Variants in NEK10 observed in about 807,000 individuals in gnomAD.
The protein encoded by NEK10 is serine/threonine-protein kinase Nek10.
A neutral mutation model predicts 159.8 loss-of-function variants in NEK10; 122 were observed. The observed-to-expected ratio is 0.76, with a 90% CI of 0.66 to 0.89. The LOEUF is 0.89. Ranked by LOEUF, NEK10 falls within the 40% of genes least tolerant of loss-of-function variation. The probability of loss-of-function intolerance (pLI) is 0.00; values close to 1 mark genes in which losing one functional copy is unlikely to be tolerated. For missense variants in NEK10, 1,342 were observed against 1,323.1 expected, an observed-to-expected ratio of 1.01 and a Z score of -0.22; for synonymous variants, 466 against 457.1, an observed-to-expected ratio of 1.02 and a Z score of -0.25.
chr3:27,260,094 G>T (rs2040262734), intron 22 of NEK10, among the ~76,000 whole-genome samples: 2 of 152,280 alleles, frequency 1.3e-5, no homozygotes, highest in South Asian at 4.1e-4. Context: ...TGCTGAAGTT[G>T]TCTATCAGCT....
chr3:27,225,049 C>T (rs989139217), intron 23 of NEK10, among the ~76,000 whole-genome samples: 2 of 152,182 alleles, frequency 1.3e-5, no homozygotes, highest in Admixed American at 6.5e-5. Context: ...TGTTAACTTA[C>T]ACAATTGCAA....
At position 27,177,402 on chromosome 3, in the gene NEK10, G is replaced by A. The variant is rs192556928; in HGVS notation, c.2506-2569C>T. On this transcript the variant is annotated intron_variant, in intron 26 of 35. Coordinates refer to ENST00000691995, the MANE Select transcript of NEK10 (RefSeq NM_001394966.1). ...ACTAAAAAATACAAAAAAATTAGCC[G>A]GGCATGGTGGTGGGCGCCTGTAGTC... is the stretch of plus-strand genomic sequence containing the variant. 2.0e-3 allele frequency among the ~76,000 whole-genome samples: 309 copies of A among 151,930 alleles called. 2 individuals carry two copies. The highest frequency in any genetic ancestry group is 7.0e-3 in the African/African-American group (290 of 41,434).
In NEK10 at chr3:27,174,442, A is replaced by G. The variant is rs552452574; in HGVS notation, c.2773T>C (p.Phe925Leu). The G allele has an allele frequency of 1.2e-5, 20 of 1,609,208 alleles. No individual in the cohort carries two copies. The highest frequency in any genetic ancestry group is 1.7e-5 in the Non-Finnish European group (20 of 1,179,312). ...AAATTGATAACAGAAAGCTTACTGAATGTAGATTCTTTCAGAGGGCTTGAA... is the reference window on the plus strand; with the variant it reads ...AAATTGATAACAGAAAGCTTACTGAGTGTAGATTCTTTCAGAGGGCTTGAA... ...SSSSPLKEST[F>L]NILKRSFSAS... The change falls in exon 28 of 36, where the codon TTC (phenylalanine) becomes CTC (leucine). Residue 925 changes from phenylalanine to leucine, a missense_variant. Physicochemically the swap from Phe to Leu is conservative, Grantham distance 22. Transcript: ENST00000691995.
chr3:27,139,005 G>C (rs1943511733), intron 31 of NEK10, among the ~76,000 whole-genome samples: 1 of 152,176 alleles, frequency 6.6e-6, no homozygotes. Context: ...TGAAGTCATG[G>C]TCTGAGACGT....
intron 23 of NEK10, among the ~76,000 whole-genome samples, chr3:27,224,215 C>T (rs752485493): frequency 2.6e-5 from 4 of 152,212 alleles, no homozygotes; most frequent in Non-Finnish European, 4.4e-5. Context: ...ACTGCCTCCC[C>T]GGCTTTTGGT....
chr3:27,197,864 G>A (rs565893899), intron 25 of NEK10, among the ~76,000 whole-genome samples: 257 of 151,164 alleles, frequency 1.7e-3, no homozygotes, highest in African/African-American at 5.6e-3. Context: ...AGTTACATAC[G>A]TATACATGTG....
At chr3:27,182,643 G>A (rs1487453828) in intron 26 of NEK10, among the ~76,000 whole-genome samples, 1 of 152,052 alleles carries the variant, frequency 6.6e-6, no homozygotes, top group Non-Finnish European at 1.5e-5. Flanking sequence ...ATATCTGCAT[G>A]CTCATTTTTA....
intron 6 of NEK10, among the ~76,000 whole-genome samples, chr3:27,317,855 T>C (rs1329791993): frequency 6.6e-6 from 1 of 152,108 alleles, no homozygotes; most frequent in Non-Finnish European, 1.5e-5. Flanking sequence ...CAGGCTGGAG[T>C]GCAGTGGCGC....
At chr3:27,177,494 G>A (rs1462148111) in intron 26 of NEK10, among the ~76,000 whole-genome samples, 1 of 151,834 alleles carries the variant, frequency 6.6e-6, no homozygotes, top group Non-Finnish European at 1.5e-5. Flanking sequence ...GCAGTGAGCC[G>A]AGATTGTGCC....
At chr3:27,252,200 AC>A (rs1334477942) in intron 23 of NEK10, 1 of 504,842 alleles carries the variant, frequency 2.0e-6, no homozygotes, top group Admixed American at 2.0e-5. Context: ...CAATTCAAGT[AC>A]AACATAAGGT....
intron 1 of NEK10, among the ~76,000 whole-genome samples, chr3:27,363,304 T>C (rs2048817481): frequency 6.6e-6 from 1 of 152,236 alleles, no homozygotes; most frequent in Admixed American, 6.5e-5. Flanking sequence ...CAGGTCATAA[T>C]TCAATAAGTA....
At chr3:27,173,615 C>T (rs1327147219) in intron 28 of NEK10, among the ~76,000 whole-genome samples, 2 of 152,248 alleles carry the variant, frequency 1.3e-5, no homozygotes, top group East Asian at 1.9e-4. Flanking sequence ...TAGGGTTCTA[C>T]TTTGATCCTT....
chr3:27,305,368 A>T (rs922272076), intron 11 of NEK10, among the ~76,000 whole-genome samples: 7 of 152,078 alleles, frequency 4.6e-5, no homozygotes, highest in Non-Finnish European at 8.8e-5. Context: ...AAACCTACTG[A>T]CCAGCATTGG....
rs1415638537 is a variant in NEK10 at position 27,313,333 on chromosome 3, G to A, written c.489+964C>T. Among the ~76,000 whole-genome samples the A allele has an allele frequency of 2.0e-5, 3 of 152,096 alleles. No individual in the cohort carries two copies. In the East Asian group the frequency reaches 5.8e-4, roughly 29 times the overall value. On this transcript the variant is annotated intron_variant, in intron 7 of 35. Transcript: ENST00000691995. ...TGTATTAATAAATGCAAGCCTCTGA[G>A]TTGCTCAGTATATATATTCACTTGC...
intron 23 of NEK10, among the ~76,000 whole-genome samples, chr3:27,211,105 T>C (rs1258210898): frequency 1.3e-5 from 2 of 152,230 alleles, no homozygotes; most frequent in Non-Finnish European, 2.9e-5. Flanking sequence ...TTCTTGTTTT[T>C]ACTGCAAAAT....
Position 27,141,596 on chromosome 3 carries a change from AT to A in NEK10, c.2870-15del, listed in dbSNP as rs763247987. On this transcript the variant is annotated splice_polypyrimidine_tract_variant and intron_variant, in intron 30 of 35. Transcript: ENST00000691995. ...TTCCTGCTGATGCTGTGGGTGATAA[AT>A]TTTGTAGTTAGTCAAGTTCTCTTTC... is the stretch of plus-strand genomic sequence containing the variant. The A allele has an allele frequency of 5.0e-6, 8 of 1,594,478 alleles. No homozygotes were observed. The East Asian group carries it at 1.6e-4, about 31-fold the overall frequency.
Position 27,226,116 on chromosome 3 carries a change from C to G in NEK10, c.2091-23559G>C, listed in dbSNP as rs199801150. 3.9e-5 allele frequency among the ~76,000 whole-genome samples: 6 copies of G among 152,164 alleles called. No homozygotes were observed. The East Asian group carries it at 1.2e-3, about 29-fold the overall frequency. ...GCATGATCTTGGCTCACTGCAAGCT[C>G]TGCCTCCTGGGTTCACATCATTCTC... is the stretch of plus-strand genomic sequence containing the variant. On this transcript the variant is annotated intron_variant, in intron 23 of 35. Transcript: ENST00000691995.
chr3:27,282,571 T>TTATA (rs371647398), intron 22 of NEK10, among the ~76,000 whole-genome samples: 1 of 43,122 alleles, frequency 2.3e-5, no homozygotes, highest in African/African-American at 1.6e-4. Context: ...CATAACTGTG[T>TTATA]TATATATATA....
intron 22 of NEK10, among the ~76,000 whole-genome samples, chr3:27,261,740 T>C (rs368093710): frequency 6.6e-6 from 1 of 152,186 alleles, no homozygotes; most frequent in Admixed American, 6.5e-5. Context: ...CTATTAGGTC[T>C]GCTTGGTGCA....
Sources: allele counts gnomAD v4.1 joint callset (sites outside exome capture counted in the v4.1 genomes callset), GRCh38; gene constraint gnomAD v4.1.1; transcripts MANE v1.5; gene names NCBI Gene and HGNC (gene_info 2026-07-23, HGNC 2026-07-21).